The following MAN1C1 variants were observed in gnomAD, a reference collection of about 807,000 sequenced individuals.
The protein encoded by MAN1C1 is mannosyl-oligosaccharide 1,2-alpha-mannosidase IC.
A neutral mutation model predicts 71.5 loss-of-function variants in MAN1C1; 49 were observed. The observed-to-expected ratio is 0.69, with a 90% CI of 0.54 to 0.87. The LOEUF is 0.87. Ranked by LOEUF, MAN1C1 falls within the 40% of genes least tolerant of loss-of-function variation. MAN1C1 has a pLI of 0.00. For synonymous variants in MAN1C1, 352 were observed against 343.7 expected (o/e 1.02, Z -0.27); for missense variants, 743 against 835.0 (o/e 0.89, Z 1.36).
intron 2 of MAN1C1, among the ~76,000 whole-genome samples, chr1:25,729,316 C>T (rs935553841): frequency 1.3e-5 from 2 of 152,196 alleles, no homozygotes; most frequent in Non-Finnish European, 1.5e-5. Context: ...TCATCCTTCC[C>T]GATCCATCAC....
chr1:25,777,106 G>A (rs1181082700), intron 8 of MAN1C1, among the ~76,000 whole-genome samples: 1 of 152,188 alleles, frequency 6.6e-6, no homozygotes, highest in Non-Finnish European at 1.5e-5. Context: ...CCCCTCTGGT[G>A]TTTTCACATA....
intron 1 of MAN1C1, chr1:25,644,431 G>A (rs959855214): frequency 1.4e-5 from 2 of 147,960 alleles, no homozygotes; most frequent in African/African-American, 5.1e-5. Context: ...TGAAATCTAG[G>A]TGGACACATC....
chr1:25,695,199 T>C (rs2046354672), intron 2 of MAN1C1, among the ~76,000 whole-genome samples: 2 of 152,094 alleles, frequency 1.3e-5, no homozygotes, highest in Admixed American at 1.3e-4. Context: ...TTTGAGTTTG[T>C]TTTGAGAAAA....
At chr1:25,624,930 A>C (rs1264746947) in intron 1 of MAN1C1, among the ~76,000 whole-genome samples, 1 of 150,470 alleles carries the variant, frequency 6.6e-6, no homozygotes, top group South Asian at 2.1e-4. Flanking sequence ...CTTATTTTTT[A>C]TACAACAACC....
At position 25,764,710 on chromosome 1, in the gene MAN1C1, G is replaced by A. The variant is rs922481137; in HGVS notation, c.1141+743G>A. On this transcript the variant is annotated intron_variant, in intron 7 of 11. Transcript: ENST00000374332. This position sits in a 1 kb window ranked among gnomAD's most constrained non-coding sequence, Gnocchi z 4.4. ...TGGGATTACAGGCGTGAGCCACCAC[G>A]CCTGGCTCCAACTTTAATTTAAAAA... Among the ~76,000 whole-genome samples, 1 of 151,708 alleles carries A rather than the reference G, an allele frequency of 6.6e-6. No individual in the cohort carries two copies. Among genetic ancestry groups the A allele is most frequent in the East Asian group, 2.0e-4 (1 of 5,120 alleles).
chr1:25,703,219 T>G (rs1014824416), intron 2 of MAN1C1, among the ~76,000 whole-genome samples: 2 of 152,162 alleles, frequency 1.3e-5, no homozygotes, highest in African/African-American at 4.8e-5. Flanking sequence ...AAGGGGAAGC[T>G]CCTGCCCTCT....
chr1:25,760,901 G>A (rs1487652522), intron 6 of MAN1C1: 1 of 152,288 alleles, frequency 6.6e-6, no homozygotes, highest in Non-Finnish European at 1.5e-5. Flanking sequence ...TAGCCCCAAA[G>A]GTTGCAAACC....
intron 2 of MAN1C1, among the ~76,000 whole-genome samples, chr1:25,686,862 A>G (rs2046238592): frequency 2.0e-5 from 3 of 152,214 alleles, no homozygotes; most frequent in Admixed American, 2.0e-4. Context: ...TTGGAGACCT[A>G]AAGGACACAG....
In MAN1C1 at chr1:25,646,768, G is replaced by A. The variant is rs77177371; in HGVS notation, c.540+28431G>A. ...GTGCGAGAGTTTCTTTTGATGGCCG[G>A]ATAAAATCCCATTGTATGGGTAGAC... is the stretch of plus-strand genomic sequence containing the variant. On this transcript the variant is annotated intron_variant, in intron 1 of 11. Transcript: ENST00000374332. 6.0e-3 allele frequency among the ~76,000 whole-genome samples: 920 copies of A among 152,322 alleles called. 12 individuals carry two copies. Among genetic ancestry groups the A allele is most frequent in the African/African-American group, 0.021 (885 of 41,570 alleles).
intron 1 of MAN1C1, among the ~76,000 whole-genome samples, chr1:25,683,259 T>A (rs1213566696): frequency 6.6e-6 from 1 of 152,208 alleles, no homozygotes; most frequent in East Asian, 1.9e-4. Context: ...CTTGTTCATC[T>A]GTCCACGAAG....
chr1:25,696,013 G>T (rs184891573), intron 2 of MAN1C1, among the ~76,000 whole-genome samples: 2 of 152,336 alleles, frequency 1.3e-5, no homozygotes, highest in African/African-American at 4.8e-5. Context: ...AACAAGTCTT[G>T]TTCCTGTCAG....
intron 1 of MAN1C1, among the ~76,000 whole-genome samples, chr1:25,621,031 A>G (rs1345279186): frequency 6.6e-6 from 1 of 152,216 alleles, no homozygotes; most frequent in Non-Finnish European, 1.5e-5. Context: ...CACACTCTCA[A>G]CTGTCTGACT....
At chr1:25,648,869 G>A (rs1050494345) in intron 1 of MAN1C1, among the ~76,000 whole-genome samples, 2 of 152,194 alleles carry the variant, frequency 1.3e-5, no homozygotes, top group Non-Finnish European at 2.9e-5. Flanking sequence ...GTCTTCTAAC[G>A]TGGCATTCCA....
chr1:25,710,630 A>G (rs1486690363), intron 2 of MAN1C1, among the ~76,000 whole-genome samples: 5 of 152,162 alleles, frequency 3.3e-5, no homozygotes, highest in African/African-American at 1.2e-4. Flanking sequence ...CTTGGTTGTA[A>G]ATTGCGGGGA....
At chr1:25,768,145 C>A (rs2047475935) in intron 7 of MAN1C1, among the ~76,000 whole-genome samples, 1 of 107,590 alleles carries the variant, frequency 9.3e-6, no homozygotes, top group Non-Finnish European at 1.8e-5. Flanking sequence ...ACACTACATA[C>A]ACTCCCCCTA....
chr1:25,658,136 A>G (rs1375035308), intron 1 of MAN1C1, among the ~76,000 whole-genome samples: 1 of 152,242 alleles, frequency 6.6e-6, no homozygotes, highest in Admixed American at 6.5e-5. Context: ...AGTAGATATT[A>G]GAAATTCAAA....
chr1:25,635,342 C>G (rs1465857029), intron 1 of MAN1C1, among the ~76,000 whole-genome samples: 1 of 151,490 alleles, frequency 6.6e-6, no homozygotes, highest in Non-Finnish European at 1.5e-5. Context: ...GCATTTTTCT[C>G]AATATGTATT....
intron 1 of MAN1C1, among the ~76,000 whole-genome samples, chr1:25,685,761 G>A (rs1239687820): frequency 6.6e-6 from 1 of 152,254 alleles, no homozygotes; most frequent in Non-Finnish European, 1.5e-5. Context: ...GGCAAGGCAA[G>A]TGTTGTTTCT....
rs1337698332 is a variant in MAN1C1 at position 25,658,282 on chromosome 1, G to A, written c.541-28158G>A. ...CACAGCTTGAAAGTGGCAGTGTCAGGTTGTGAACCTGGAGCCAGGCTATGA... is the reference window on the plus strand; with the variant it reads ...CACAGCTTGAAAGTGGCAGTGTCAGATTGTGAACCTGGAGCCAGGCTATGA... On this transcript the variant is annotated intron_variant, in intron 1 of 11. Coordinates refer to ENST00000374332, the MANE Select transcript of MAN1C1 (RefSeq NM_020379.4). 6.6e-5 allele frequency among the ~76,000 whole-genome samples: 10 copies of A among 152,192 alleles called. No individual in the cohort carries two copies. The East Asian group carries it at 1.7e-3, about 26-fold the overall frequency.
Sources: allele counts gnomAD v4.1 joint callset (sites outside exome capture counted in the v4.1 genomes callset), GRCh38; gene constraint gnomAD v4.1.1; non-coding constraint Gnocchi (gnomAD v3.1); transcripts MANE v1.5; gene names NCBI Gene and HGNC (gene_info 2026-07-23, HGNC 2026-07-21).